The following PTPRD variants were observed in gnomAD, a reference collection of about 807,000 sequenced individuals.
PTPRD encodes the protein receptor-type tyrosine-protein phosphatase delta.
PTPRD carries 34 observed loss-of-function variants against 214.5 expected under a neutral mutation model. That is an observed-to-expected ratio of 0.16 (90% CI 0.12 to 0.21). The LOEUF is 0.21. PTPRD is among the 10% of genes least tolerant of loss of function. The pLI is 1.00. For missense variants in PTPRD, 2,545 were observed against 2,398.7 expected (o/e 1.06, Z -1.27); for synonymous variants, 1,128 against 845.7 (o/e 1.33, Z -5.79).
intron 3 of PTPRD, among the ~76,000 whole-genome samples, chr9:10,108,402 G>C (rs1302515679): frequency 6.6e-6 from 1 of 151,838 alleles, no homozygotes; most frequent in Non-Finnish European, 1.5e-5. Flanking sequence ...ATGTATGATA[G>C]ATCTCTTGAA....
At chr9:8,528,471 G>A in intron 15 of PTPRD, 120 bp downstream of exon 15, 1 of 886,778 alleles carries the variant, frequency 1.1e-6, no homozygotes, top group South Asian at 1.6e-5. Flanking sequence ...CAGAGAAAGA[G>A]AAGAGGGAGA....
intron 2 of PTPRD, among the ~76,000 whole-genome samples, chr9:10,494,877 G>A (rs1173590473): frequency 2.0e-5 from 3 of 151,584 alleles, no homozygotes; most frequent in East Asian, 1.9e-4. Context: ...AGCATATAAT[G>A]TATTGTAAAA....
chr9:10,244,785 A>AT (rs1424929758), intron 3 of PTPRD, among the ~76,000 whole-genome samples: 2 of 152,098 alleles, frequency 1.3e-5, no homozygotes, highest in Non-Finnish European at 2.9e-5. Context: ...TGGAACAGTG[A>AT]TTTTAGAATG....
intron 14 of PTPRD, among the ~76,000 whole-genome samples, chr9:8,548,828 G>A (rs965507882): frequency 6.6e-6 from 1 of 151,530 alleles, no homozygotes; most frequent in Non-Finnish European, 1.5e-5. Flanking sequence ...CCGAGTAGCT[G>A]GGATTACAGG....
At chr9:8,832,286 T>C (rs1158266631) in intron 11 of PTPRD, among the ~76,000 whole-genome samples, 1 of 152,080 alleles carries the variant, frequency 6.6e-6, no homozygotes, top group South Asian at 2.1e-4. Flanking sequence ...AACAGATAAC[T>C]GCTTTGAGAA....
intron 11 of PTPRD, among the ~76,000 whole-genome samples, chr9:8,742,977 C>G (rs549573785): frequency 6.6e-6 from 1 of 151,980 alleles, no homozygotes; most frequent in Non-Finnish European, 1.5e-5. Flanking sequence ...CTGCCAAATA[C>G]CCTATAACAC....
At chr9:9,907,674 C>T (rs2077990662) in intron 5 of PTPRD, among the ~76,000 whole-genome samples, 1 of 151,938 alleles carries the variant, frequency 6.6e-6, no homozygotes. Context: ...TTCAGGGAGA[C>T]ACAATTCAGT....
At chr9:8,760,542 T>A (rs2094345242) in intron 11 of PTPRD, among the ~76,000 whole-genome samples, 1 of 152,064 alleles carries the variant, frequency 6.6e-6, no homozygotes, top group African/African-American at 2.4e-5. Flanking sequence ...CATTACAAAA[T>A]GTGGAAATGG....
At chr9:10,591,342 G>C (rs986983283) in intron 2 of PTPRD, among the ~76,000 whole-genome samples, 1 of 152,022 alleles carries the variant, frequency 6.6e-6, no homozygotes, top group South Asian at 2.1e-4. Context: ...ACTGTAAAAA[G>C]CACCATGCCT....
At chr9:9,953,471 A>C (rs2093632437) in intron 4 of PTPRD, among the ~76,000 whole-genome samples, 2 of 151,310 alleles carry the variant, frequency 1.3e-5, no homozygotes, top group South Asian at 4.2e-4. Flanking sequence ...AAAAAAATTA[A>C]ATTAAAATAG....
At chr9:10,282,669 C>A (rs1487669155) in intron 3 of PTPRD, among the ~76,000 whole-genome samples, 1 of 152,020 alleles carries the variant, frequency 6.6e-6, no homozygotes, top group African/African-American at 2.4e-5. Context: ...ACTCACATCC[C>A]CCAACTTACA....
At chr9:8,671,799 G>A (rs1471445968) in intron 12 of PTPRD, among the ~76,000 whole-genome samples, 1 of 152,134 alleles carries the variant, frequency 6.6e-6, no homozygotes, top group East Asian at 1.9e-4. Flanking sequence ...CTTTCTTGTG[G>A]TTCCATATGA....
chr9:10,586,435 C>T (rs186467823), intron 2 of PTPRD, among the ~76,000 whole-genome samples: 12 of 151,836 alleles, frequency 7.9e-5, no homozygotes, highest in East Asian at 7.7e-4. Flanking sequence ...ATCATGAGAA[C>T]GAAAATATTC....
intron 26 of PTPRD, among the ~76,000 whole-genome samples, chr9:8,495,579 GAAAC>G (rs1331782015): frequency 5.9e-5 from 9 of 152,092 alleles, no homozygotes; most frequent in African/African-American, 1.7e-4. Context: ...TTTAAACAAA[GAAAC>G]AAACAAACAG....
At chr9:9,398,485 A>G (rs2068783922) in intron 8 of PTPRD, among the ~76,000 whole-genome samples, 1 of 151,944 alleles carries the variant, frequency 6.6e-6, no homozygotes, top group Non-Finnish European at 1.5e-5. Flanking sequence ...CACATTTTCC[A>G]TATTTTGTCA....
At chr9:9,259,443 G>GA (rs1401630968) in intron 9 of PTPRD, among the ~76,000 whole-genome samples, 2 of 151,880 alleles carry the variant, frequency 1.3e-5, no homozygotes, top group Non-Finnish European at 2.9e-5. Context: ...CTCCACCAAT[G>GA]AATGTATACC....
chr9:8,503,663 T>G (rs2097470085), intron 23 of PTPRD, among the ~76,000 whole-genome samples: 1 of 152,186 alleles, frequency 6.6e-6, no homozygotes, highest in Non-Finnish European at 1.5e-5. Context: ...AATTTAGAAT[T>G]GCAAATATGT....
At chr9:10,394,824 A>C (rs2098136648) in intron 2 of PTPRD, among the ~76,000 whole-genome samples, 2 of 152,088 alleles carry the variant, frequency 1.3e-5, no homozygotes, top group African/African-American at 4.8e-5. Context: ...TAAAATTAGA[A>C]ACTTGAATGA....
At chr9:8,782,724 A>G (rs1263469784) in intron 11 of PTPRD, among the ~76,000 whole-genome samples, 1 of 151,012 alleles carries the variant, frequency 6.6e-6, no homozygotes, top group Non-Finnish European at 1.5e-5. Flanking sequence ...CAGCCTCCGG[A>G]GTAGCTGGGA....
Sources: allele counts gnomAD v4.1 joint callset (sites outside exome capture counted in the v4.1 genomes callset), GRCh38; gene constraint gnomAD v4.1.1; transcripts MANE v1.5; gene names NCBI Gene and HGNC (gene_info 2026-07-23, HGNC 2026-07-21).